Variants in CRISPLD2 observed in about 807,000 individuals in gnomAD.
CRISPLD2 encodes cysteine rich secretory protein LCCL domain containing 2.
In CRISPLD2, 47 loss-of-function variants were observed where a neutral mutation model predicts 71.1. That is an observed-to-expected ratio of 0.66 (90% confidence interval 0.52 to 0.84). The LOEUF is 0.84. CRISPLD2 is among the 40% of genes least tolerant of loss of function. The pLI is 0.00. For synonymous variants in CRISPLD2, 317 were observed against 250.1 expected (o/e 1.27, Z -2.52); for missense variants, 830 against 651.1 (o/e 1.27, Z -2.99).
chr16:84,874,112 A>T, intron 11 of CRISPLD2, 149 bp downstream of exon 11: 1 of 770,348 alleles, frequency 1.3e-6, no homozygotes, highest in Non-Finnish European at 2.1e-6. Context: ...TCAAGACGTC[A>T]TCTCTTTAAC....
intron 9 of CRISPLD2, 127 bp from the exon 10 acceptor site, chr16:84,872,865 G>A (rs1369441099): frequency 4.2e-6 from 5 of 1,197,320 alleles, no homozygotes; most frequent in Non-Finnish European, 5.9e-6. Context: ...AGAGGCAGGA[G>A]CAGAGTGAGC....
At chr16:84,833,110 G>A (rs955173186) in intron 1 of CRISPLD2, among the ~76,000 whole-genome samples, 14 of 152,306 alleles carry the variant, frequency 9.2e-5, no homozygotes, top group South Asian at 2.1e-4. Flanking sequence ...CCTGGACTCA[G>A]TTGCACTTTC....
At position 84,831,017 on chromosome 16, in the gene CRISPLD2, C is replaced by T. The variant is rs78227448; in HGVS notation, c.-74-7405C>T. On this transcript the variant is annotated intron_variant, in intron 1 of 14. Coordinates refer to ENST00000262424, the MANE Select transcript of CRISPLD2 (RefSeq NM_031476.4). ...TTTTGTTTTGGAAGCTGGTGGTGAACGATTTACCATCCCACCACTGTTCCG... is the reference window on the plus strand; with the variant it reads ...TTTTGTTTTGGAAGCTGGTGGTGAATGATTTACCATCCCACCACTGTTCCG... 3.9e-4 allele frequency among the ~76,000 whole-genome samples: 60 copies of T among 152,216 alleles called. 2 individuals carry two copies. The East Asian group carries it at 7.7e-3, about 20-fold the overall frequency.
intron 14 of CRISPLD2, among the ~76,000 whole-genome samples, chr16:84,903,598 TAAAA>T (rs10557896): frequency 1.5e-5 from 2 of 136,136 alleles, no homozygotes; most frequent in African/African-American, 2.6e-5. Flanking sequence ...TCTTAAAATT[TAAAA>T]AAAAAAAAAA....
At chr16:84,824,860 T>G (rs571115425) in intron 1 of CRISPLD2, among the ~76,000 whole-genome samples, 13 of 152,060 alleles carry the variant, frequency 8.5e-5, no homozygotes, top group Admixed American at 5.9e-4. Context: ...ATCCCAGCAC[T>G]TTGGGAGGCT....
chr16:84,878,601 C>A (rs1199561265), intron 12 of CRISPLD2, among the ~76,000 whole-genome samples: 3 of 152,174 alleles, frequency 2.0e-5, no homozygotes. Context: ...GGCAGCTAAC[C>A]CCAAATGAGT....
At chr16:84,873,858 T>C in intron 10 of CRISPLD2, 62 bp from the exon 11 acceptor site, 9 of 1,469,474 alleles carry the variant, frequency 6.1e-6, no homozygotes, top group Non-Finnish European at 8.3e-6. Flanking sequence ...GCGTTCACTT[T>C]TAGAAGCAAT....
chr16:84,876,356 T>A (rs2934482), intron 11 of CRISPLD2, among the ~76,000 whole-genome samples: 6 of 151,676 alleles, frequency 4.0e-5, no homozygotes, highest in Admixed American at 6.6e-5. Flanking sequence ...ACAAAAATTA[T>A]CCAGGTGTGG....
chr16:84,890,129 C>T (rs533350768), intron 14 of CRISPLD2, among the ~76,000 whole-genome samples: 55 of 152,106 alleles, frequency 3.6e-4, no homozygotes, highest in South Asian at 1.5e-3. Context: ...GAGGCCGAGG[C>T]AGGCAGATCA....
At chr16:84,821,848 G>A (rs1041821884) in intron 1 of CRISPLD2, among the ~76,000 whole-genome samples, 5 of 152,184 alleles carry the variant, frequency 3.3e-5, no homozygotes, top group Non-Finnish European at 7.3e-5. Context: ...GGTTTCCACG[G>A]ATGAGCTCAC....
chr16:84,854,296 T>A lies in CRISPLD2; in HGVS notation c.609-433T>A, dbSNP rs1441765688. On this transcript the variant is annotated intron_variant, in intron 5 of 14. Transcript: ENST00000262424. ...GTGAAGGCACAGACCAGGGATGGTG[T>A]GTGGTAAAAACTGGGAAACGCAAGC... Among the ~76,000 whole-genome samples, 54 of 152,066 alleles carry A rather than the reference T, an allele frequency of 3.6e-4. 1 individual carries two copies. The highest frequency in any genetic ancestry group is 5.9e-5 in the Non-Finnish European group (4 of 68,016).
At position 84,854,847 on chromosome 16, in the gene CRISPLD2, A is replaced by T. The variant is rs752933535; in HGVS notation, c.709+18A>T. On this transcript the variant is annotated intron_variant, in intron 6 of 14. Coordinates refer to ENST00000262424, the MANE Select transcript of CRISPLD2 (RefSeq NM_031476.4). Reference sequence around the variant, plus strand: ...TTACCGAGGTAGGAAATTTACTCCCAACACTTTTGCAATGAATTTGCCCTC... The same window carrying T: ...TTACCGAGGTAGGAAATTTACTCCCTACACTTTTGCAATGAATTTGCCCTC... The T allele has an allele frequency of 6.3e-7, 1 of 1,588,096 alleles. No individual in the cohort carries two copies. Among genetic ancestry groups the T allele is most frequent in the Non-Finnish European group, 8.6e-7 (1 of 1,156,330 alleles).
chr16:84,845,205 G>A (rs1302640981), intron 2 of CRISPLD2, among the ~76,000 whole-genome samples: 1 of 152,212 alleles, frequency 6.6e-6, no homozygotes, highest in African/African-American at 2.4e-5. Flanking sequence ...GCCTTGGTTT[G>A]CTTGCCTGTG....
At chr16:84,865,860 A>C (rs1917521636) in intron 6 of CRISPLD2, among the ~76,000 whole-genome samples, 1 of 152,228 alleles carries the variant, frequency 6.6e-6, no homozygotes, top group Admixed American at 6.5e-5. Context: ...TGTTTGGTTA[A>C]TTAAAATGTT....
chr16:84,871,614 C>T (rs1266230686), intron 8 of CRISPLD2, among the ~76,000 whole-genome samples: 3 of 148,990 alleles, frequency 2.0e-5, no homozygotes, highest in South Asian at 2.1e-4. Flanking sequence ...TGCAGTGGCA[C>T]GATCTTTGCT....
chr16:84,867,946 A>G (rs1305747316), intron 7 of CRISPLD2, among the ~76,000 whole-genome samples: 1 of 152,132 alleles, frequency 6.6e-6, no homozygotes, highest in Non-Finnish European at 1.5e-5. Flanking sequence ...ACTCATTTGC[A>G]GCCGCCGTTT....
At chr16:84,890,693 G>T (rs2071653859) in intron 14 of CRISPLD2, among the ~76,000 whole-genome samples, 1 of 152,038 alleles carries the variant, frequency 6.6e-6, no homozygotes, top group South Asian at 2.1e-4. Flanking sequence ...CCTGAGGTCA[G>T]GTGAGGCAGG....
chr16:84,850,742 G>T lies in CRISPLD2; in HGVS notation c.608+59G>T, dbSNP rs563602634. ...GGTTGGGATGTGTTTGCTTGCCAGG[G>T]AGCACCCAGTGAAAACTGGCTTGAG... On this transcript the variant is annotated intron_variant, in intron 5 of 14. Coordinates refer to ENST00000262424, the MANE Select transcript of CRISPLD2 (RefSeq NM_031476.4). 7.0e-5 allele frequency: 96 copies of T among 1,368,558 alleles called. No homozygotes were observed. In the Middle Eastern group the frequency reaches 1.1e-3, roughly 15 times the overall value. The allele number at this position is 1,368,558 out of a possible 1,614,324, so 84.8% of individuals were successfully genotyped here.
chr16:84,835,491 C>T (rs962531098), intron 1 of CRISPLD2, among the ~76,000 whole-genome samples: 2 of 152,286 alleles, frequency 1.3e-5, no homozygotes, highest in East Asian at 1.9e-4. Flanking sequence ...CAGGGACCCT[C>T]CGACCCACCC....
Sources: gnomAD v4.1 joint callset for allele counts (sites outside exome capture counted in the v4.1 genomes callset) on GRCh38, gnomAD v4.1.1 for gene constraint, MANE v1.5 for transcripts, NCBI Gene and HGNC (gene_info 2026-07-23, HGNC 2026-07-21) for gene names.